CDC42BPA: variants seen among roughly 807,000 people sequenced by gnomAD.
The protein encoded by CDC42BPA is CDC42 binding protein kinase alpha.
A neutral mutation model predicts 223.5 loss-of-function variants in CDC42BPA; 80 were observed. The ratio of observed to expected loss-of-function variants is 0.36; its 90% CI spans 0.30 to 0.43. CDC42BPA has a LOEUF of 0.43. CDC42BPA is among the 20% of genes least tolerant of loss of function. The pLI, the probability that CDC42BPA is intolerant of heterozygous loss-of-function variation, is 1.00. For synonymous variants in CDC42BPA, 694 were observed against 718.6 expected, an observed-to-expected ratio of 0.97 and a Z score of 0.55; for missense variants, 1,743 against 2,099.9, an observed-to-expected ratio of 0.83 and a Z score of 3.32.
At chr1:227,282,256 C>A (rs931681509) in intron 1 of CDC42BPA, among the ~76,000 whole-genome samples, 3 of 150,630 alleles carry the variant, frequency 2.0e-5, no homozygotes, top group African/African-American at 7.3e-5. Context: ...CCTAGAATGG[C>A]AGAATTAATA....
intron 14 of CDC42BPA, 85 bp from the exon 15 acceptor site, chr1:227,101,324 T>C (rs765738538): frequency 7.8e-6 from 6 of 765,626 alleles, no homozygotes; most frequent in South Asian, 2.9e-5. Flanking sequence ...TAAATGAGTA[T>C]TCATATAACT....
chr1:227,271,687 T>G (rs562438110), intron 1 of CDC42BPA, among the ~76,000 whole-genome samples: 1 of 152,312 alleles, frequency 6.6e-6, no homozygotes, highest in Admixed American at 6.5e-5. Context: ...ACGAGCTTAG[T>G]AAATTCACCC....
intron 31 of CDC42BPA, among the ~76,000 whole-genome samples, chr1:227,024,944 T>A (rs1667987372): frequency 6.6e-6 from 1 of 152,176 alleles, no homozygotes; most frequent in South Asian, 2.1e-4. Context: ...AAAAATTACA[T>A]GATAAAAATC....
At chr1:227,262,502 A>G (rs1046835754) in intron 1 of CDC42BPA, among the ~76,000 whole-genome samples, 7 of 152,208 alleles carry the variant, frequency 4.6e-5, no homozygotes, top group African/African-American at 7.2e-5. Flanking sequence ...CCAATTTTAT[A>G]TATCATGTAA....
Position 226,994,752 on chromosome 1 carries a change from G to A in CDC42BPA, c.5133+71C>T, listed in dbSNP as rs1413021755. On this transcript the variant is annotated intron_variant, in intron 36 of 36. Transcript: ENST00000366766. The surrounding 1 kb of genome is among the most constrained non-coding windows in gnomAD (Gnocchi z 4.0). ...TGCTGCAGCTGAGGCCAATCCCAAGGTGGTGGGATTGCCTGGGAAGATGCC... is the reference window on the plus strand; with the variant it reads ...TGCTGCAGCTGAGGCCAATCCCAAGATGGTGGGATTGCCTGGGAAGATGCC... The A allele has an allele frequency of 7.0e-7, 1 of 1,437,866 alleles. No individual in the cohort carries two copies. The highest frequency in any genetic ancestry group is 1.3e-5 in the South Asian group (1 of 75,850). The allele number at this position is 1,437,866 out of a possible 1,614,324, so 89.1% of individuals were successfully genotyped here.
intron 5 of CDC42BPA, among the ~76,000 whole-genome samples, chr1:227,176,070 A>AG (rs1174852662): frequency 1.3e-5 from 2 of 152,140 alleles, no homozygotes; most frequent in Admixed American, 1.3e-4. Context: ...CTTGAGCCTC[A>AG]GCTCCTTGAG....
At chr1:227,121,030 G>C (rs1190968532) in intron 11 of CDC42BPA, among the ~76,000 whole-genome samples, 1 of 152,198 alleles carries the variant, frequency 6.6e-6, no homozygotes. Flanking sequence ...TGATCTGACA[G>C]GAGGTGGAGC....
Position 227,216,112 on chromosome 1 carries a change from T to TTC in CDC42BPA, c.271-2895_271-2894dup, listed in dbSNP as rs199585100. 5.9e-4 allele frequency among the ~76,000 whole-genome samples: 84 copies of TTC among 141,890 alleles called. 1 individual carries two copies. The highest frequency in any genetic ancestry group is 3.6e-3 in the South Asian group (16 of 4,478). The allele number at this position is 141,890 out of a possible 152,430, so 93.1% of individuals were successfully genotyped here. A position where few individuals can be genotyped will look rare whatever the true frequency, so the allele number is the denominator to read the frequency against. ...ATTAAAGTATGTACACTGTGACTTT[T>TTC]TCTCTCTCTATATATATATATACAC... On this transcript the variant is annotated intron_variant, in intron 2 of 36. Transcript: ENST00000366766.
At chr1:227,015,689 GA>G (rs61010035) in intron 34 of CDC42BPA, among the ~76,000 whole-genome samples, 10 of 150,668 alleles carry the variant, frequency 6.6e-5, no homozygotes, top group South Asian at 4.2e-4. Flanking sequence ...TGGGAAGAAG[GA>G]AAAAAAAAGA....
chr1:227,216,608 C>A (rs1674900189), intron 2 of CDC42BPA, among the ~76,000 whole-genome samples: 1 of 152,186 alleles, frequency 6.6e-6, no homozygotes, highest in Non-Finnish European at 1.5e-5. Flanking sequence ...TCCTTTAACA[C>A]TGCAAGTCAT....
chr1:227,013,889 T>C (rs1192356841), intron 34 of CDC42BPA, among the ~76,000 whole-genome samples: 1 of 152,136 alleles, frequency 6.6e-6, no homozygotes, highest in African/African-American at 2.4e-5. Context: ...AAAAAACTAC[T>C]AACTCAATTT....
At chr1:227,130,764 A>G (rs1656923091) in intron 10 of CDC42BPA, among the ~76,000 whole-genome samples, 1 of 152,196 alleles carries the variant, frequency 6.6e-6, no homozygotes, top group Admixed American at 6.5e-5. Context: ...CTGAGGCAGG[A>G]GAAACGCTTG....
Position 227,257,379 on chromosome 1 carries a change from A to G in CDC42BPA, c.179-3224T>C, listed in dbSNP as rs1035206110. ...TTACCACAATTTTTAAAAATTAGTA[A>G]GATATCAAAACCACTGAATTGTATA... On this transcript the variant is annotated intron_variant, in intron 1 of 36. Transcript: ENST00000366766. Among the ~76,000 whole-genome samples, 7 of 145,770 alleles carry G rather than the reference A, an allele frequency of 4.8e-5. 1 individual carries two copies. Among genetic ancestry groups the G allele is most frequent in the African/African-American group, 2.0e-4 (7 of 35,330 alleles).
intron 21 of CDC42BPA, among the ~76,000 whole-genome samples, chr1:227,056,588 C>T (rs1453740885): frequency 6.6e-6 from 1 of 151,984 alleles, no homozygotes; most frequent in Admixed American, 6.6e-5. Context: ...GGCAGGGTCT[C>T]CCTATGTTGC....
intron 5 of CDC42BPA, among the ~76,000 whole-genome samples, chr1:227,182,411 T>C (rs1668093818): frequency 6.6e-6 from 1 of 152,202 alleles, no homozygotes; most frequent in African/African-American, 2.4e-5. Flanking sequence ...ACAGAATTTC[T>C]TGGGCTTGGT....
chr1:227,066,388 CA>C (rs60663061), intron 21 of CDC42BPA, among the ~76,000 whole-genome samples: 113,939 of 144,404 alleles, frequency 0.79, 44,587 homozygotes, highest in African/African-American at 0.82. Context: ...AACTCTGTCT[CA>C]AAAAAAAAAA....
chr1:227,253,451 C>T (rs1481142229), intron 2 of CDC42BPA, among the ~76,000 whole-genome samples: 1 of 152,262 alleles, frequency 6.6e-6, no homozygotes, highest in South Asian at 2.1e-4. Context: ...CAAAAATTAG[C>T]TGGGCCTGAT....
chr1:227,162,278 T>G (rs1343630979), intron 5 of CDC42BPA, among the ~76,000 whole-genome samples: 1 of 151,794 alleles, frequency 6.6e-6, no homozygotes, highest in African/African-American at 2.4e-5. Context: ...AAATAGAAAA[T>G]ACTAAAAATT....
At chr1:227,048,093 A>G (rs1672821229) in intron 22 of CDC42BPA, 83 bp from the exon 23 acceptor site, 1 of 811,468 alleles carries the variant, frequency 1.2e-6, no homozygotes, top group South Asian at 2.0e-5. Context: ...GCCAAAATAA[A>G]TAAAACAAAA....
Sources: allele counts gnomAD v4.1 joint callset (sites outside exome capture counted in the v4.1 genomes callset), GRCh38; gene constraint gnomAD v4.1.1; non-coding constraint Gnocchi (gnomAD v3.1); transcripts MANE v1.5; gene names NCBI Gene and HGNC (gene_info 2026-07-23, HGNC 2026-07-21).